The following DNAH7 variants were observed in gnomAD, a reference collection of about 807,000 sequenced individuals.
DNAH7 encodes dynein axonemal heavy chain 7, also known as axonemal beta dynein heavy chain 7.
Under a neutral mutation model 444.6 loss-of-function variants are expected in DNAH7, and 397 were observed. That is an observed-to-expected ratio of 0.89 (90% CI 0.82 to 0.97). The LOEUF (loss-of-function observed/expected upper bound fraction) is 0.97, where lower values mean the gene tolerates loss of function less well. Ranked by LOEUF, DNAH7 falls within the 50% of genes least tolerant of loss-of-function variation. The pLI is 0.00. For synonymous variants in DNAH7, 1,636 were observed against 1,624.4 expected (o/e 1.01, Z -0.17); for missense variants, 4,902 against 4,800.8 (o/e 1.02, Z -0.62).
At chr2:195,999,049 C>T (rs1693878670) in intron 12 of DNAH7, 2 of 709,370 alleles carry the variant, frequency 2.8e-6, no homozygotes, top group Non-Finnish European at 5.3e-6. Context: ...ATGGGAGGGG[C>T]TGCCAGGAAA....
intron 58 of DNAH7, among the ~76,000 whole-genome samples, chr2:195,782,233 G>A (rs1009293458): frequency 1.2e-4 from 19 of 152,268 alleles, no homozygotes; most frequent in Middle Eastern, 6.8e-3. Context: ...AATGTTGATT[G>A]TTCAAGAAGG....
chr2:195,801,717 C>T (rs982579141), intron 54 of DNAH7, among the ~76,000 whole-genome samples: 2 of 152,114 alleles, frequency 1.3e-5, no homozygotes, highest in African/African-American at 4.8e-5. Context: ...TTCCAAACTT[C>T]GATTTTATAG....
rs529513137 is a variant in DNAH7 at position 195,797,569 on chromosome 2, G to A, written c.10354-832C>T. On this transcript the variant is annotated intron_variant, in intron 55 of 64. Transcript: ENST00000312428. ...GCAACTAGGAGGGGCTCAAAGGGTC[G>A]TCAAGCTTGTGTTGACTAGGAGGTG... Among the ~76,000 whole-genome samples the A allele has an allele frequency of 3.6e-4, 55 of 152,314 alleles. 1 individual carries two copies. The highest frequency in any genetic ancestry group is 2.7e-3 in the Admixed American group (41 of 15,302).
intron 19 of DNAH7, among the ~76,000 whole-genome samples, chr2:195,950,520 G>A (rs942114443): frequency 6.6e-6 from 1 of 151,430 alleles, no homozygotes; most frequent in African/African-American, 2.4e-5. Flanking sequence ...CATTAGTCTG[G>A]CTAGCAGTCT....
chr2:195,947,358 T>C (rs917577547), intron 19 of DNAH7, among the ~76,000 whole-genome samples: 3 of 151,984 alleles, frequency 2.0e-5, no homozygotes, highest in African/African-American at 7.2e-5. Context: ...GTTTGTTACA[T>C]AGGTATACAC....
intron 63 of DNAH7, among the ~76,000 whole-genome samples, chr2:195,747,789 T>A (rs1447220814): frequency 6.6e-6 from 1 of 152,158 alleles, no homozygotes; most frequent in Non-Finnish European, 1.5e-5. Flanking sequence ...TCAACAACCC[T>A]TCATGCTAAA....
At chr2:196,059,415 T>C (rs557477827) in intron 1 of DNAH7, among the ~76,000 whole-genome samples, 1 of 152,356 alleles carries the variant, frequency 6.6e-6, no homozygotes, top group South Asian at 2.1e-4. Context: ...GTTGTCAATT[T>C]ATTGCCTCAG....
intron 10 of DNAH7, among the ~76,000 whole-genome samples, chr2:196,008,870 G>A (rs1390267558): frequency 2.0e-5 from 3 of 152,160 alleles, no homozygotes; most frequent in Non-Finnish European, 4.4e-5. Flanking sequence ...CTGGGACTGG[G>A]TAATTTATAA....
intron 48 of DNAH7, among the ~76,000 whole-genome samples, chr2:195,826,819 G>A (rs369838319): frequency 6.6e-6 from 1 of 152,280 alleles, no homozygotes; most frequent in Admixed American, 6.5e-5. Flanking sequence ...TGAAAGGACA[G>A]TGTATCTAAA....
Position 195,923,647 on chromosome 2 carries a change from A to G in DNAH7, c.3773T>C (p.Ile1258Thr), listed in dbSNP as rs561880307. 35 of 1,614,108 alleles carry G rather than the reference A, an allele frequency of 2.2e-5. No individual in the cohort carries two copies. Among genetic ancestry groups the G allele is most frequent in the South Asian group, 1.5e-4 (14 of 91,078 alleles). ...CCATTCAAAGTCAGAGTCATCGCTA[A>G]TATTTTTTTTTACAAGTGATGAGAG... ...DVLSSLVKKN[I>T]SDDSDFEWLS... Residue 1258 changes from isoleucine to threonine, a missense_variant, in exon 23 of 65, where the codon ATT becomes ACT. Physicochemically the swap from Ile to Thr is moderately conservative, Grantham distance 89. Coordinates refer to ENST00000312428, the MANE Select transcript of DNAH7 (RefSeq NM_018897.3).
chr2:195,899,642 T>C (rs970669641), intron 28 of DNAH7, among the ~76,000 whole-genome samples: 1 of 152,224 alleles, frequency 6.6e-6, no homozygotes. Context: ...AAAATCTGTA[T>C]CTTCTACAAA....
Position 195,926,511 on chromosome 2 carries a change from C to G in DNAH7, c.3527G>C (p.Arg1176Thr). Reference protein sequence around the residue: ...YTKYERINWVRDWPGQTVLCV... With the variant: ...YTKYERINWVTDWPGQTVLCV... ...GAGAACAGTCTGTCCAGGCCAATCC[C>G]TTACCCAGTTAATTCGTTCATATTT... The change falls in exon 22 of 65, where the codon AGG (arginine) becomes ACG (threonine). Residue 1176 changes from arginine to threonine, a missense_variant. Transcript: ENST00000312428. 1 of 1,605,118 alleles carries G rather than the reference C, an allele frequency of 6.2e-7. No homozygotes were observed. Among genetic ancestry groups the G allele is most frequent in the Non-Finnish European group, 8.5e-7 (1 of 1,176,558 alleles).
chr2:195,992,085 A>G (rs995392140), intron 12 of DNAH7, among the ~76,000 whole-genome samples: 1 of 152,236 alleles, frequency 6.6e-6, no homozygotes, highest in African/African-American at 2.4e-5. Context: ...GTTGCAAAAA[A>G]TCAGCTTTGT....
chr2:195,831,687 G>T (rs932796868), intron 48 of DNAH7, among the ~76,000 whole-genome samples: 1 of 152,170 alleles, frequency 6.6e-6, no homozygotes, highest in African/African-American at 2.4e-5. Flanking sequence ...ATTCCAAAAA[G>T]TAGGTTAAAT....
At chr2:196,028,100 A>G in intron 5 of DNAH7, 53 bp from the exon 6 acceptor site, 3 of 1,419,354 alleles carry the variant, frequency 2.1e-6, no homozygotes, top group Non-Finnish European at 2.9e-6. Flanking sequence ...CAGTTAGAAC[A>G]TAAAACAATG....
intron 15 of DNAH7, among the ~76,000 whole-genome samples, chr2:195,980,938 C>T (rs1157782762): frequency 1.3e-5 from 2 of 152,054 alleles, no homozygotes; most frequent in Non-Finnish European, 2.9e-5. Context: ...ATCTGGAACA[C>T]AACAAGGATG....
intron 41 of DNAH7, among the ~76,000 whole-genome samples, chr2:195,862,677 A>G (rs1331895537): frequency 4.6e-5 from 7 of 151,998 alleles, no homozygotes; most frequent in Admixed American, 4.6e-4. Flanking sequence ...TGACTTCACT[A>G]GTTTATCCTC....
intron 57 of DNAH7, among the ~76,000 whole-genome samples, chr2:195,788,366 G>A (rs550741442): frequency 3.9e-5 from 6 of 152,264 alleles, no homozygotes; most frequent in African/African-American, 1.4e-4. Flanking sequence ...ACTGGGAAGT[G>A]GAAACCTAGA....
chr2:195,742,872 G>A (rs571406663), intron 63 of DNAH7, among the ~76,000 whole-genome samples: 30 of 152,312 alleles, frequency 2.0e-4, no homozygotes, highest in African/African-American at 7.0e-4. Flanking sequence ...GATTAATATT[G>A]TCAACTTGAT....
Sources: gnomAD v4.1 joint callset for allele counts (sites outside exome capture counted in the v4.1 genomes callset) on GRCh38, gnomAD v4.1.1 for gene constraint, MANE v1.5 for transcripts, NCBI Gene and HGNC (gene_info 2026-07-23, HGNC 2026-07-21) for gene names.